MET: variants seen among roughly 807,000 people sequenced by gnomAD.
MET encodes hepatocyte growth factor receptor.
MET carries 48 observed loss-of-function variants against 133.1 expected under a neutral mutation model. The ratio of observed to expected loss-of-function variants is 0.36; its 90% CI spans 0.29 to 0.46. The LOEUF is 0.46. MET is among the 20% of genes least tolerant of loss of function. The pLI is 1.00. For synonymous variants in MET, 628 were observed against 616.5 expected, an observed-to-expected ratio of 1.02 and a Z score of -0.28; for missense variants, 1,442 against 1,695.9, an observed-to-expected ratio of 0.85 and a Z score of 2.63.
At chr7:116,681,187 G>T (rs1796345082) in intron 1 of MET, among the ~76,000 whole-genome samples, 2 of 152,094 alleles carry the variant, frequency 1.3e-5, no homozygotes, top group Non-Finnish European at 2.9e-5. Flanking sequence ...GCAGGAATAT[G>T]TCACAGAAGC....
intron 2 of MET, among the ~76,000 whole-genome samples, chr7:116,706,705 C>T (rs1791807765): frequency 6.6e-6 from 1 of 151,972 alleles, no homozygotes; most frequent in South Asian, 2.1e-4. Flanking sequence ...TCTGCCACTG[C>T]TTATTCATGG....
intron 2 of MET, among the ~76,000 whole-genome samples, chr7:116,718,258 G>C (rs558020397): frequency 2.0e-5 from 3 of 151,974 alleles, no homozygotes; most frequent in Admixed American, 6.5e-5. Flanking sequence ...ATATGGTGGC[G>C]GGCACCTGTA....
rs1794844480 is a variant in MET at position 116,771,829 on chromosome 7, T to C, written c.2888-20T>C. 6.8e-6 allele frequency: 11 copies of C among 1,613,696 alleles called. No homozygotes were observed. Among genetic ancestry groups the C allele is most frequent in the Non-Finnish European group, 9.3e-6 (11 of 1,179,730 alleles). On this transcript the variant is annotated intron_variant, in intron 13 of 20. Coordinates refer to ENST00000397752, the MANE Select transcript of MET (RefSeq NM_000245.4). ...ATGATAGCCGTCTTTAACAAGCTCT[T>C]TCTTTCTCTCTGTTTTAAGATCTGG...
Position 116,796,356 on chromosome 7 carries a change from C to A in MET, c.*232C>A. ...AATGGCCTGCAGCCGTGACAACACT[C>A]CTGTCATATTGGAGTCCAAAACTTG... On this transcript the variant is annotated 3_prime_UTR_variant, in exon 21 of 21. Coordinates refer to ENST00000397752, the MANE Select transcript of MET (RefSeq NM_000245.4). 1.8e-6 allele frequency: 1 copy of A among 563,750 alleles called. No homozygotes were observed. The allele number at this position is 563,750 out of a possible 1,614,324, so 34.9% of individuals were successfully genotyped here.
intron 2 of MET, chr7:116,724,775 G>GA: frequency 7.9e-7 from 1 of 1,272,412 alleles, no homozygotes; most frequent in Non-Finnish European, 1.0e-6. Flanking sequence ...TTTACAGGCA[G>GA]AAAATGTGCT....
chr7:116,720,136 T>C (rs536957542), intron 2 of MET, among the ~76,000 whole-genome samples: 24 of 152,264 alleles, frequency 1.6e-4, no homozygotes, highest in Admixed American at 3.3e-4. Context: ...GTTCTTCCAT[T>C]TGTTTGTATC....
intron 2 of MET, among the ~76,000 whole-genome samples, chr7:116,715,496 A>T (rs1792155746): frequency 6.6e-6 from 1 of 152,242 alleles, no homozygotes; most frequent in South Asian, 2.1e-4. Flanking sequence ...GGATGATTTC[A>T]TCTCAAGATC....
chr7:116,733,606 T>C (rs1444542934), intron 3 of MET, among the ~76,000 whole-genome samples: 1 of 152,226 alleles, frequency 6.6e-6, no homozygotes, highest in African/African-American at 2.4e-5. Flanking sequence ...GCAAATGTTT[T>C]ATTCTTGTCT....
At chr7:116,729,762 C>T (rs1175526362) in intron 2 of MET, among the ~76,000 whole-genome samples, 6 of 152,176 alleles carry the variant, frequency 3.9e-5, no homozygotes, top group Non-Finnish European at 8.8e-5. Context: ...CCATTTGTCC[C>T]TTATAAACTC....
At chr7:116,709,335 A>G (rs1791909821) in intron 2 of MET, among the ~76,000 whole-genome samples, 1 of 152,236 alleles carries the variant, frequency 6.6e-6, no homozygotes, top group South Asian at 2.1e-4. Context: ...TGCAAATCAT[A>G]AACAATAGTG....
rs758440368 is a variant in MET at position 116,774,959 on chromosome 7, C to T, written c.3107C>T (p.Thr1036Ile). 13 of 1,614,008 alleles carry T rather than the reference C, an allele frequency of 8.1e-6. No homozygotes were observed. The highest frequency in any genetic ancestry group is 6.7e-5 in the East Asian group (3 of 44,900). Residue 1036 changes from threonine to isoleucine, a missense_variant, in exon 15 of 21, where the codon ACT becomes ATT. Physicochemically the swap from Thr to Ile is moderately conservative, Grantham distance 89 (BLOSUM62 -1). This residue lies in a region of MET where 514 missense variants were observed against 659.6 expected (regional missense o/e 0.78). Coordinates refer to ENST00000397752, the MANE Select transcript of MET (RefSeq NM_000245.4). ...YPLTDMSPIL[T>I]SGDSDISSPL... ...CTGACAGACATGTCCCCCATCCTAACTAGTGGGGACTCTGATATATCCAGT... is the reference window on the plus strand; with the variant it reads ...CTGACAGACATGTCCCCCATCCTAATTAGTGGGGACTCTGATATATCCAGT...
intron 2 of MET, among the ~76,000 whole-genome samples, chr7:116,701,143 A>G (rs1791561755): frequency 6.6e-6 from 1 of 152,134 alleles, no homozygotes; most frequent in South Asian, 2.1e-4. Flanking sequence ...CTATACCTGG[A>G]GATTTATCCT....
intron 1 of MET, among the ~76,000 whole-genome samples, chr7:116,695,150 C>T (rs953038424): frequency 3.9e-5 from 6 of 152,046 alleles, no homozygotes; most frequent in Non-Finnish European, 4.4e-5. Flanking sequence ...ATATATTAAG[C>T]TCAATTTTGT....
chr7:116,713,979 C>T (rs972635616), intron 2 of MET, among the ~76,000 whole-genome samples: 8 of 152,180 alleles, frequency 5.3e-5, no homozygotes, highest in Admixed American at 1.3e-4. Flanking sequence ...ATCTCTTATA[C>T]TTCTATGAGT....
intron 2 of MET, among the ~76,000 whole-genome samples, chr7:116,708,096 C>G (rs759224383): frequency 6.6e-6 from 1 of 152,106 alleles, no homozygotes; most frequent in Admixed American, 6.6e-5. Flanking sequence ...CTGTCTTCAA[C>G]AAGCAGATAG....
At chr7:116,686,268 G>T (rs927046782) in intron 1 of MET, among the ~76,000 whole-genome samples, 1 of 152,042 alleles carries the variant, frequency 6.6e-6, no homozygotes, top group East Asian at 1.9e-4. Context: ...AGGCTTACTG[G>T]CCCCCTTGCT....
chr7:116,683,112 G>T (rs968098622), intron 1 of MET, among the ~76,000 whole-genome samples: 1 of 152,002 alleles, frequency 6.6e-6, no homozygotes, highest in Non-Finnish European at 1.5e-5. Flanking sequence ...TGGTACATGC[G>T]CAGATTTGTT....
In MET at chr7:116,746,221, C is replaced by T. The variant is rs572939708; in HGVS notation, c.1701+5196C>T. ...CCATCAGAGAAATGCAAATCAAAAC[C>T]GCAATGAGATACCATCTCACACCAG... On this transcript the variant is annotated intron_variant, in intron 5 of 20. Coordinates refer to ENST00000397752, the MANE Select transcript of MET (RefSeq NM_000245.4). Among the ~76,000 whole-genome samples, 7 of 152,276 alleles carry T rather than the reference C, an allele frequency of 4.6e-5. No individual in the cohort carries two copies. The South Asian group carries it at 8.3e-4, about 18-fold the overall frequency.
At chr7:116,680,351 T>A (rs38842) in intron 1 of MET, among the ~76,000 whole-genome samples, 38,107 of 152,138 alleles carry the variant, frequency 0.25, 5,834 homozygotes, top group Admixed American at 0.38. Flanking sequence ...AAAATTCCAA[T>A]GTAAAGGTCT....
Sources: gnomAD v4.1 joint callset for allele counts (sites outside exome capture counted in the v4.1 genomes callset) on GRCh38, gnomAD v4.1.1 for gene constraint, gnomAD v4.1.1 regional missense constraint, MANE v1.5 for transcripts, NCBI Gene and HGNC (gene_info 2026-07-23, HGNC 2026-07-21) for gene names.